The following ATE1 variants were observed in gnomAD, a reference collection of about 807,000 sequenced individuals.
ATE1 encodes arginyl-tRNA--protein transferase 1.
In ATE1, 36 loss-of-function variants were observed where a neutral mutation model predicts 70.5. The observed-to-expected ratio is 0.51, with a 90% CI of 0.39 to 0.67. ATE1 has a LOEUF of 0.67. Among genes scored for constraint, ATE1 ranks in the 30% least tolerant of loss-of-function variants. ATE1 has a pLI of 0.00. For synonymous variants in ATE1, 232 were observed against 219.3 expected, an observed-to-expected ratio of 1.06 and a Z score of -0.51; for missense variants, 593 against 629.5, an observed-to-expected ratio of 0.94 and a Z score of 0.62.
intron 11 of ATE1, 125 bp from the exon 12 acceptor site, chr10:121,743,983 C>T (rs11200123): frequency 0.13 from 137,988 of 1,034,562 alleles, 10,948 homozygotes; most frequent in Admixed American, 0.31. Flanking sequence ...AGTGCAGTGG[C>T]GCTGTCTCAC....
chr10:121,813,922 T>C (rs1323532432), intron 10 of ATE1, among the ~76,000 whole-genome samples: 1 of 152,188 alleles, frequency 6.6e-6, no homozygotes, highest in East Asian at 1.9e-4. Flanking sequence ...TGTACAAAAG[T>C]CTGCCTACAA....
intron 10 of ATE1, among the ~76,000 whole-genome samples, chr10:121,832,844 T>C (rs138992268): frequency 1.4e-3 from 218 of 152,318 alleles, no homozygotes; most frequent in African/African-American, 4.9e-3. Context: ...GTAGTATTGG[T>C]ATTCAGTAAT....
intron 7 of ATE1, among the ~76,000 whole-genome samples, chr10:121,892,472 T>C (rs11818735): frequency 0.13 from 19,737 of 150,698 alleles, 1,488 homozygotes; most frequent in East Asian, 0.19. Flanking sequence ...ACGGGGAAGT[T>C]TGGGTGGGAC....
chr10:121,843,267 C>G (rs929442103), intron 8 of ATE1, among the ~76,000 whole-genome samples: 1 of 152,012 alleles, frequency 6.6e-6, no homozygotes, highest in Non-Finnish European at 1.5e-5. Context: ...CAGAAAACTA[C>G]AAAACTCCGA....
intron 3 of ATE1, among the ~76,000 whole-genome samples, chr10:121,918,011 G>C (rs1951727354): frequency 6.6e-6 from 1 of 152,104 alleles, no homozygotes; most frequent in Non-Finnish European, 1.5e-5. Context: ...AAAATAACCA[G>C]AAGAGTAAAT....
At chr10:121,821,310 T>C (rs1280677665) in intron 10 of ATE1, among the ~76,000 whole-genome samples, 1 of 152,080 alleles carries the variant, frequency 6.6e-6, no homozygotes, top group Non-Finnish European at 1.5e-5. Context: ...AGCATTACCA[T>C]AAAGAAAACA....
At chr10:121,820,588 A>T (rs967089145) in intron 10 of ATE1, among the ~76,000 whole-genome samples, 1 of 152,236 alleles carries the variant, frequency 6.6e-6, no homozygotes, top group African/African-American at 2.4e-5. Context: ...GAAATCTACA[A>T]GAGCAAAAAT....
chr10:121,920,293 C>G (rs1951827260), intron 3 of ATE1, among the ~76,000 whole-genome samples: 3 of 151,360 alleles, frequency 2.0e-5, no homozygotes, highest in African/African-American at 7.3e-5. Flanking sequence ...GGAGATCAGC[C>G]TAGGAAACAT....
At chr10:121,795,575 C>T (rs545198689) in intron 10 of ATE1, among the ~76,000 whole-genome samples, 2 of 152,336 alleles carry the variant, frequency 1.3e-5, no homozygotes, top group African/African-American at 2.4e-5. Flanking sequence ...TAAATGCATA[C>T]ATTTTAACTT....
chr10:121,826,489 G>T (rs561251224), intron 10 of ATE1, among the ~76,000 whole-genome samples: 32 of 152,240 alleles, frequency 2.1e-4, no homozygotes, highest in Non-Finnish European at 3.8e-4. Flanking sequence ...TGCATTTTTA[G>T]TAGAGACAGG....
chr10:121,820,074 G>A (rs560910889), intron 10 of ATE1, among the ~76,000 whole-genome samples: 5 of 152,096 alleles, frequency 3.3e-5, no homozygotes, highest in South Asian at 2.1e-4. Context: ...ACTGGGAGGC[G>A]GAGGCTGCAA....
chr10:121,795,817 G>A (rs1467275842), intron 10 of ATE1, among the ~76,000 whole-genome samples: 1 of 152,128 alleles, frequency 6.6e-6, no homozygotes, highest in Non-Finnish European at 1.5e-5. Context: ...AAAACACAGG[G>A]GGTTGAAAGC....
At chr10:121,916,019 A>G (rs1951640455) in intron 3 of ATE1, among the ~76,000 whole-genome samples, 1 of 151,006 alleles carries the variant, frequency 6.6e-6, no homozygotes, top group Admixed American at 6.6e-5. Flanking sequence ...GGCAGATCAC[A>G]AGGTCAGGAG....
At chr10:121,845,453 G>C (rs1362887955) in intron 8 of ATE1, among the ~76,000 whole-genome samples, 1 of 152,138 alleles carries the variant, frequency 6.6e-6, no homozygotes, top group Non-Finnish European at 1.5e-5. Context: ...AGAAACACAA[G>C]CTGTGACAAG....
At chr10:121,889,117 G>A (rs1052721198) in intron 7 of ATE1, among the ~76,000 whole-genome samples, 3 of 152,044 alleles carry the variant, frequency 2.0e-5, no homozygotes, top group East Asian at 1.9e-4. Context: ...GGGTTTAAGC[G>A]ATTTTCCCGC....
intron 7 of ATE1, among the ~76,000 whole-genome samples, chr10:121,894,015 T>C (rs1950674720): frequency 6.6e-6 from 1 of 151,740 alleles, no homozygotes; most frequent in South Asian, 2.1e-4. Context: ...CACACGCCTG[T>C]AATCCCAGCT....
intron 10 of ATE1, among the ~76,000 whole-genome samples, chr10:121,821,210 C>T (rs1231424502): frequency 1.3e-5 from 2 of 152,196 alleles, no homozygotes; most frequent in South Asian, 2.1e-4. Flanking sequence ...TCCCAAAGTG[C>T]TGAGATTCCT....
At chr10:121,745,735 C>CA (rs58642898) in intron 11 of ATE1, among the ~76,000 whole-genome samples, 113,388 of 151,186 alleles carry the variant, frequency 0.75, 44,504 homozygotes, top group Non-Finnish European at 0.88. Flanking sequence ...TCAAAACAAA[C>CA]AAAAAAAAGA....
At chr10:121,744,660 T>TA (rs1481679427) in intron 11 of ATE1, among the ~76,000 whole-genome samples, 8 of 152,190 alleles carry the variant, frequency 5.3e-5, no homozygotes, top group Non-Finnish European at 1.0e-4. Context: ...GGCAGGTTCC[T>TA]ACAGCTTTCA....
Sources: gnomAD v4.1 joint callset for allele counts (sites outside exome capture counted in the v4.1 genomes callset) on GRCh38, gnomAD v4.1.1 for gene constraint, MANE v1.5 for transcripts, NCBI Gene and HGNC (gene_info 2026-07-23, HGNC 2026-07-21) for gene names.